COL24A1: variants seen among roughly 807,000 people sequenced by gnomAD.
COL24A1 encodes collagen type XXIV alpha 1 chain.
In COL24A1, 224 loss-of-function variants were observed where a neutral mutation model predicts 253.9. The ratio of observed to expected loss-of-function variants is 0.88; its 90% CI spans 0.79 to 0.99. The LOEUF is 0.99. Among genes scored for constraint, COL24A1 ranks in the 50% least tolerant of loss-of-function variants. The pLI, the probability that COL24A1 is intolerant of heterozygous loss-of-function variation, is 0.00. For missense variants in COL24A1, 2,131 were observed against 2,068.5 expected, an observed-to-expected ratio of 1.03 and a Z score of -0.59; for synonymous variants, 685 against 673.7, an observed-to-expected ratio of 1.02 and a Z score of -0.26.
At chr1:86,046,938 C>T (rs983557455) in intron 11 of COL24A1, 69 bp from the exon 12 acceptor site, 1 of 896,624 alleles carries the variant, frequency 1.1e-6, no homozygotes, top group Non-Finnish European at 1.9e-6. Flanking sequence ...ATCTTTTTCT[C>T]CCAATATAAA....
intron 28 of COL24A1, among the ~76,000 whole-genome samples, chr1:85,900,589 T>C (rs760131348): frequency 2.6e-5 from 4 of 152,052 alleles, no homozygotes; most frequent in Admixed American, 1.3e-4. Context: ...CAATGTGATA[T>C]GATCGCGTCA....
intron 51 of COL24A1, among the ~76,000 whole-genome samples, chr1:85,781,564 C>T (rs1228718723): frequency 6.6e-6 from 1 of 152,006 alleles, no homozygotes; most frequent in Non-Finnish European, 1.5e-5. Flanking sequence ...ATGCATTTTA[C>T]ATGTATGTTA....
At chr1:85,821,026 G>A (rs1673574432) in intron 45 of COL24A1, among the ~76,000 whole-genome samples, 1 of 152,144 alleles carries the variant, frequency 6.6e-6, no homozygotes, top group South Asian at 2.1e-4. Context: ...TAGATTTAGA[G>A]AGTTAAGCAA....
intron 19 of COL24A1, among the ~76,000 whole-genome samples, chr1:85,991,810 T>A (rs1052086337): frequency 8.6e-4 from 131 of 152,280 alleles, no homozygotes; most frequent in African/African-American, 3.0e-3. Flanking sequence ...CTGAATATTT[T>A]AAAATTGAAA....
intron 33 of COL24A1, among the ~76,000 whole-genome samples, chr1:85,875,716 G>GAC (rs141827930): frequency 0.088 from 12,367 of 140,634 alleles, 517 homozygotes; most frequent in Non-Finnish European, 0.1. Context: ...CATTATAAAA[G>GAC]ACACACACAC....
chr1:86,024,872 T>C lies in COL24A1; in HGVS notation c.2050-1865A>G, dbSNP rs550113132. 3.1e-3 allele frequency among the ~76,000 whole-genome samples: 470 copies of C among 152,296 alleles called. 1 individual carries two copies. Among genetic ancestry groups the C allele is most frequent in the African/African-American group, 0.01 (435 of 41,582 alleles). On this transcript the variant is annotated intron_variant, in intron 14 of 59. Transcript: ENST00000370571. Reference sequence around the variant, plus strand: ...TCTTTGTGTCCTTTTGTTTTCTTCATAGATAAAATAATATTCTTAACTTTT... The same window carrying C: ...TCTTTGTGTCCTTTTGTTTTCTTCACAGATAAAATAATATTCTTAACTTTT...
At chr1:85,888,024 C>T (rs567931681) in intron 32 of COL24A1, among the ~76,000 whole-genome samples, 2 of 148,316 alleles carry the variant, frequency 1.3e-5, no homozygotes, top group Non-Finnish European at 3.0e-5. Flanking sequence ...ATTCTCAAAC[C>T]TACTTTTCCG....
chr1:85,893,811 A>G (rs1456477757), intron 31 of COL24A1, among the ~76,000 whole-genome samples: 1 of 152,100 alleles, frequency 6.6e-6, no homozygotes, highest in Admixed American at 6.6e-5. Flanking sequence ...TAAAAATAAA[A>G]AATATGTATT....
At chr1:85,870,288 T>C (rs1680308967) in intron 35 of COL24A1, among the ~76,000 whole-genome samples, 3 of 152,102 alleles carry the variant, frequency 2.0e-5, no homozygotes, top group Non-Finnish European at 2.9e-5. Context: ...GACAGATCAA[T>C]GAGACAGAAA....
At chr1:85,875,549 C>T (rs769136818) in intron 33 of COL24A1, among the ~76,000 whole-genome samples, 4 of 152,120 alleles carry the variant, frequency 2.6e-5, no homozygotes, top group Non-Finnish European at 5.9e-5. Flanking sequence ...AGATCCATTT[C>T]TTCTAATCCT....
At chr1:85,813,455 C>CTT (rs138621527) in intron 47 of COL24A1, among the ~76,000 whole-genome samples, 1,456 of 143,912 alleles carry the variant, frequency 0.01, 28 homozygotes, top group African/African-American at 0.036. Context: ...GCTGAAAGAC[C>CTT]TTTTTTTTTG....
chr1:85,952,342 A>G (rs529503732), intron 24 of COL24A1, among the ~76,000 whole-genome samples: 1 of 152,342 alleles, frequency 6.6e-6, no homozygotes, highest in South Asian at 2.1e-4. Context: ...AAAAAATGAT[A>G]CATTCCATAA....
chr1:85,873,633 A>T (rs1215102051), intron 35 of COL24A1, among the ~76,000 whole-genome samples: 1 of 152,224 alleles, frequency 6.6e-6, no homozygotes, highest in Non-Finnish European at 1.5e-5. Context: ...GTGGGAAATA[A>T]ACAATGAGAA....
At chr1:86,005,522 A>G (rs1055668444) in intron 19 of COL24A1, among the ~76,000 whole-genome samples, 2 of 152,142 alleles carry the variant, frequency 1.3e-5, no homozygotes, top group Non-Finnish European at 2.9e-5. Context: ...ATGACAAAAT[A>G]CCAAAAAGTA....
intron 18 of COL24A1, among the ~76,000 whole-genome samples, chr1:86,021,139 G>C (rs1002737419): frequency 1.3e-5 from 2 of 152,136 alleles, no homozygotes; most frequent in Non-Finnish European, 2.9e-5. Flanking sequence ...TGAGATGGAA[G>C]GGTAGAGTTA....
intron 19 of COL24A1, among the ~76,000 whole-genome samples, chr1:86,001,429 A>T (rs17128656): frequency 0.025 from 3,740 of 152,308 alleles, 73 homozygotes; most frequent in Non-Finnish European, 0.039. Context: ...GTAGATGACC[A>T]TTTGCATGGT....
intron 18 of COL24A1, among the ~76,000 whole-genome samples, chr1:86,018,727 A>G (rs139127613): frequency 0.015 from 2,301 of 152,354 alleles, 31 homozygotes; most frequent in Non-Finnish European, 0.024. Flanking sequence ...TAAGTAACTT[A>G]TAGATAACTA....
At chr1:85,944,946 G>A (rs1185991837) in intron 24 of COL24A1, among the ~76,000 whole-genome samples, 1 of 138,626 alleles carries the variant, frequency 7.2e-6, no homozygotes, top group Non-Finnish European at 1.5e-5. Flanking sequence ...TTTTATGGCT[G>A]CATAGTATTC....
chr1:85,777,965 T>C (rs1036398339), intron 52 of COL24A1, among the ~76,000 whole-genome samples: 3 of 152,110 alleles, frequency 2.0e-5, no homozygotes, highest in Non-Finnish European at 4.4e-5. Context: ...CATTTTTCTA[T>C]TGAACTTTCT....
Sources: allele counts gnomAD v4.1 joint callset (sites outside exome capture counted in the v4.1 genomes callset), GRCh38; gene constraint gnomAD v4.1.1; transcripts MANE v1.5; gene names NCBI Gene and HGNC (gene_info 2026-07-23, HGNC 2026-07-21).